The following FGF14 variants were observed in gnomAD, a reference collection of about 807,000 sequenced individuals.
FGF14 encodes the protein fibroblast growth factor 14, also known as fibroblast growth factor homologous factor 4.
FGF14 carries 5 observed loss-of-function variants against 25.5 expected under a neutral mutation model. The observed-to-expected ratio is 0.20, with a 90% CI of 0.10 to 0.41. The LOEUF (loss-of-function observed/expected upper bound fraction) is 0.41, where lower values mean the gene tolerates loss of function less well. Among genes scored for constraint, FGF14 ranks in the 10% least tolerant of loss-of-function variants. The pLI is 1.00. For synonymous variants in FGF14, 138 were observed against 118.3 expected (o/e 1.17, Z -1.08); for missense variants, 222 against 320.1 (o/e 0.69, Z 2.34).
At chr13:101,873,906 T>G (rs2045251735) in intron 2 of FGF14, among the ~76,000 whole-genome samples, 1 of 151,088 alleles carries the variant, frequency 6.6e-6, no homozygotes, top group Non-Finnish European at 1.5e-5. Flanking sequence ...AAGGAAAAAT[T>G]TAAAAATAAA....
chr13:102,022,471 T>C (rs2040709028), intron 1 of FGF14, among the ~76,000 whole-genome samples: 1 of 152,070 alleles, frequency 6.6e-6, no homozygotes, highest in Admixed American at 6.6e-5. Context: ...AACCTCCCTT[T>C]TTTGTTGCTG....
intron 1 of FGF14, among the ~76,000 whole-genome samples, chr13:102,235,734 A>T (rs1439870093): frequency 2.6e-5 from 4 of 152,186 alleles, no homozygotes; most frequent in Non-Finnish European, 2.9e-5. Flanking sequence ...TGACTTTAAA[A>T]CTTTGGGATT....
At chr13:101,994,177 AAAGAG>A (rs1357972742) in intron 1 of FGF14, among the ~76,000 whole-genome samples, 1 of 152,030 alleles carries the variant, frequency 6.6e-6, no homozygotes, top group Non-Finnish European at 1.5e-5. Flanking sequence ...AAATAAAGAT[AAAGAG>A]AACAAACTTT....
At chr13:101,915,412 T>C (rs1289223747) in intron 1 of FGF14, among the ~76,000 whole-genome samples, 1 of 152,156 alleles carries the variant, frequency 6.6e-6, no homozygotes, top group African/African-American at 2.4e-5. Context: ...AAACATATAC[T>C]CCCATTAACG....
intron 3 of FGF14, among the ~76,000 whole-genome samples, chr13:101,863,768 T>C (rs1402664503): frequency 2.6e-5 from 4 of 152,108 alleles, no homozygotes; most frequent in Non-Finnish European, 4.4e-5. Flanking sequence ...AGGAATAAAT[T>C]TCAAGAGGAA....
chr13:101,917,520 G>A (rs1303748113), upstream of FGF14, among the ~76,000 whole-genome samples: 1 of 152,058 alleles, frequency 6.6e-6, no homozygotes, highest in Non-Finnish European at 1.5e-5. Flanking sequence ...CTTGGTTGGG[G>A]CTTCTCGGTC....
chr13:101,840,132 G>T (rs1052842716), intron 3 of FGF14, among the ~76,000 whole-genome samples: 2 of 151,972 alleles, frequency 1.3e-5, no homozygotes, highest in Admixed American at 6.6e-5. Context: ...CCAATGTAAA[G>T]TGGACACCTG....
At chr13:101,829,070 G>A (rs987953810) in intron 3 of FGF14, among the ~76,000 whole-genome samples, 1 of 152,044 alleles carries the variant, frequency 6.6e-6, no homozygotes, top group Non-Finnish European at 1.5e-5. Context: ...TTATCCCTGG[G>A]CTGGGAGATA....
At chr13:102,155,501 A>G (rs1404890457) in intron 1 of FGF14, among the ~76,000 whole-genome samples, 3 of 151,946 alleles carry the variant, frequency 2.0e-5, no homozygotes, top group Non-Finnish European at 4.4e-5. Context: ...TCTCTGGGAC[A>G]CATTCAAAGG....
chr13:101,851,256 T>A (rs770039958), intron 3 of FGF14, among the ~76,000 whole-genome samples: 2 of 152,008 alleles, frequency 1.3e-5, no homozygotes, highest in Non-Finnish European at 2.9e-5. Context: ...TGCCATGTGA[T>A]CATGACAGCA....
intron 1 of FGF14, among the ~76,000 whole-genome samples, chr13:102,392,082 A>T (rs1320451493): frequency 6.6e-6 from 1 of 152,208 alleles, no homozygotes; most frequent in African/African-American, 2.4e-5. Flanking sequence ...CTCCCAAGCT[A>T]CACCTTTAAG....
At chr13:101,892,809 T>G (rs1420730532) in intron 1 of FGF14, among the ~76,000 whole-genome samples, 1 of 152,200 alleles carries the variant, frequency 6.6e-6, no homozygotes, top group Non-Finnish European at 1.5e-5. Flanking sequence ...CACAGGATGC[T>G]GTATGAATCT....
chr13:101,741,235 G>T (rs564853237), intron 3 of FGF14, among the ~76,000 whole-genome samples: 1 of 152,102 alleles, frequency 6.6e-6, no homozygotes, highest in Admixed American at 6.6e-5. Flanking sequence ...ATATGGGAGG[G>T]TGAGGCAGGA....
At chr13:101,727,667 T>G (rs1028666259) in intron 3 of FGF14, among the ~76,000 whole-genome samples, 2 of 152,118 alleles carry the variant, frequency 1.3e-5, no homozygotes, top group African/African-American at 4.8e-5. Context: ...TAATAATGAA[T>G]ATAATCCCAT....
chr13:102,054,069 C>G (rs560454196), intron 1 of FGF14, among the ~76,000 whole-genome samples: 5 of 152,154 alleles, frequency 3.3e-5, no homozygotes, highest in African/African-American at 1.2e-4. Flanking sequence ...TGGACATTTA[C>G]TTATAGATTT....
chr13:101,722,972 T>C lies in FGF14; in HGVS notation c.608-5A>G. 1.2e-6 allele frequency: 2 copies of C among 1,613,138 alleles called. No individual in the cohort carries two copies. The highest frequency in any genetic ancestry group is 1.7e-6 in the Non-Finnish European group (2 of 1,179,412). On this transcript the variant is annotated splice_region_variant and splice_polypyrimidine_tract_variant and intron_variant, in intron 4 of 4. Transcript: ENST00000376143. The stretch of plus-strand genomic sequence containing the variant: ...ATGGTTCTCGGTACATGGCAACTAG[T>C]GATGGGAAGAAAGGAGGAGGAAAAG...
At chr13:102,303,638 T>C (rs890400543) in intron 1 of FGF14, among the ~76,000 whole-genome samples, 5 of 152,178 alleles carry the variant, frequency 3.3e-5, no homozygotes, top group African/African-American at 1.2e-4. Context: ...AGAAATCAAA[T>C]AACTCACCAA....
At chr13:101,954,879 C>T (rs896560947) in intron 1 of FGF14, among the ~76,000 whole-genome samples, 2 of 152,224 alleles carry the variant, frequency 1.3e-5, no homozygotes, top group Non-Finnish European at 2.9e-5. Flanking sequence ...CAGATTTAGC[C>T]TGGAGGAGAG....
chr13:102,175,927 G>T (rs1292796709), intron 1 of FGF14, among the ~76,000 whole-genome samples: 1 of 151,964 alleles, frequency 6.6e-6, no homozygotes, highest in Non-Finnish European at 1.5e-5. Flanking sequence ...ATAGATGTTG[G>T]CGAGGATGTG....
Sources: gnomAD v4.1 joint callset for allele counts (sites outside exome capture counted in the v4.1 genomes callset) on GRCh38, gnomAD v4.1.1 for gene constraint, MANE v1.5 for transcripts, NCBI Gene and HGNC (gene_info 2026-07-23, HGNC 2026-07-21) for gene names.